Variants in TPTE2 observed in about 807,000 individuals in gnomAD.
TPTE2 encodes phosphatidylinositol 3,4,5-trisphosphate 3-phosphatase TPTE2.
A neutral mutation model predicts 78.6 loss-of-function variants in TPTE2; 53 were observed. That is an observed-to-expected ratio of 0.67 (90% CI 0.54 to 0.85). The LOEUF is 0.85. Among genes scored for constraint, TPTE2 ranks in the 40% least tolerant of loss-of-function variants. The pLI is 0.00. For missense variants in TPTE2, 461 were observed against 623.0 expected (o/e 0.74, Z 2.77); for synonymous variants, 175 against 206.2 (o/e 0.85, Z 1.30).
At chr13:19,558,788 G>A in the TPTE2 span, among the ~76,000 whole-genome samples, 1 of 152,146 alleles carries the variant, frequency 6.6e-6, no homozygotes, top group Admixed American at 6.5e-5. Context: ...ACTGAATAGT[G>A]TCAAAAAAGA....
intron 1 of TPTE2, among the ~76,000 whole-genome samples, chr13:19,496,067 C>A (rs977474301): frequency 6.6e-6 from 1 of 152,244 alleles, no homozygotes; most frequent in East Asian, 1.9e-4. Context: ...GGGGTTTCAC[C>A]ATGTTGGCCA....
At chr13:19,534,556 C>T (rs1871089825) in intron 1 of TPTE2, among the ~76,000 whole-genome samples, 1 of 152,178 alleles carries the variant, frequency 6.6e-6, no homozygotes, top group South Asian at 2.1e-4. Context: ...CATATTCCAG[C>T]AACTGTTTGT....
intron 1 of TPTE2, among the ~76,000 whole-genome samples, chr13:19,516,066 G>A (rs1869772098): frequency 6.6e-6 from 1 of 152,198 alleles, no homozygotes; most frequent in African/African-American, 2.4e-5. Context: ...GCCCTCTAAG[G>A]AAGGTGAGAA....
chr13:19,465,506 G>A (rs1201212347), exon 8 of TPTE2: 10 of 1,610,090 alleles, frequency 6.2e-6, no homozygotes, highest in Admixed American at 1.7e-5. Context: ...TTTTGATGAA[G>A]CAGATGAAAA....
At chr13:19,464,111 A>G (rs1414627698) in intron 10 of TPTE2, among the ~76,000 whole-genome samples, 3 of 152,168 alleles carry the variant, frequency 2.0e-5, no homozygotes, top group Non-Finnish European at 2.9e-5. Context: ...ATTTTAGACT[A>G]GCCAGTCCTC....
intron 6 of TPTE2, among the ~76,000 whole-genome samples, chr13:19,469,493 T>C (rs1467680913): frequency 6.6e-6 from 1 of 152,142 alleles, no homozygotes; most frequent in Non-Finnish European, 1.5e-5. Context: ...CTTAGAATAG[T>C]TTTGGCTATT....
intron 1 of TPTE2, among the ~76,000 whole-genome samples, chr13:19,495,802 C>T (rs1320145904): frequency 2.6e-5 from 4 of 152,124 alleles, no homozygotes; most frequent in Non-Finnish European, 5.9e-5. Flanking sequence ...ACTTCCTAGA[C>T]TTAAGATTTT....
chr13:19,428,208 G>C (rs1345728923), intron 17 of TPTE2, among the ~76,000 whole-genome samples: 1 of 152,194 alleles, frequency 6.6e-6, no homozygotes, highest in African/African-American at 2.4e-5. Flanking sequence ...CAGCACTTTG[G>C]GAGGTTGAGG....
At chr13:19,473,596 G>GATT (rs1879757308) in intron 6 of TPTE2, among the ~76,000 whole-genome samples, 4 of 53,248 alleles carry the variant, frequency 7.5e-5, no homozygotes, top group Non-Finnish European at 1.2e-4. Flanking sequence ...ATTTTAAAAT[G>GATT]CTTTTTTTTT....
intron 7 of TPTE2, among the ~76,000 whole-genome samples, chr13:19,466,446 T>A (rs138942862): frequency 0.025 from 3,732 of 152,280 alleles, 64 homozygotes; most frequent in Middle Eastern, 0.051. Context: ...ATCAGCTATT[T>A]GACCCATGAA....
chr13:19,448,932 T>A, intron 13 of TPTE2, among the ~76,000 whole-genome samples: 1 of 152,208 alleles, frequency 6.6e-6, no homozygotes, highest in East Asian at 1.9e-4. Context: ...ATATGTGGTA[T>A]ATATAAATAA....
At position 19,535,603 on chromosome 13, in the gene TPTE2, A is replaced by G. The variant is rs1871167725; in HGVS notation, c.-44+993T>C. Among the ~76,000 whole-genome samples the G allele has an allele frequency of 7.1e-6, 1 of 141,504 alleles. No homozygotes were observed. The highest frequency in any genetic ancestry group is 2.3e-4 in the South Asian group (1 of 4,296). The allele number at this position is 141,504 out of a possible 152,430, so 92.8% of individuals were successfully genotyped here. On this transcript the variant is annotated intron_variant, in intron 1 of 17. Coordinates refer to the TPTE2 transcript ENST00000390680. The surrounding 1 kb of genome is among the most constrained non-coding windows in gnomAD (Gnocchi z 5.1). ...TGAGGTTCTAAGTAATACTATCTCC[A>G]GGATTTTCTTATTTATTTATTTATT... is the stretch of plus-strand genomic sequence containing the variant.
At chr13:19,561,067 C>A in the TPTE2 span, 9 of 1,587,604 alleles carry the variant, frequency 5.7e-6, no homozygotes, top group South Asian at 1.0e-4. Context: ...TCCCACCGCC[C>A]TGCTCGCCAG....
chr13:19,554,213 A>C, the TPTE2 span, among the ~76,000 whole-genome samples: 1 of 151,974 alleles, frequency 6.6e-6, no homozygotes, highest in African/African-American at 2.4e-5. Flanking sequence ...GTCTCTACTA[A>C]AAATACAAAA....
chr13:19,549,234 A>T, the TPTE2 span, among the ~76,000 whole-genome samples: 2 of 152,166 alleles, frequency 1.3e-5, no homozygotes, highest in Non-Finnish European at 2.9e-5. Flanking sequence ...CTACAGAATG[A>T]GAGAAAATAT....
rs770394067 is a variant in TPTE2 at position 19,493,507 on chromosome 13, GGAT to G, written c.12-9_12-7del. 1.2e-5 allele frequency: 19 copies of G among 1,613,146 alleles called. No homozygotes were observed. The highest frequency in any genetic ancestry group is 1.4e-5 in the Non-Finnish European group (17 of 1,179,632). On this transcript the variant is annotated splice_region_variant and splice_polypyrimidine_tract_variant and intron_variant, in intron 1 of 19. Coordinates refer to ENST00000400230, the Ensembl canonical transcript of TPTE2. ...TAAATTCGTTTGTCTGTGGACTAGC[GGAT>G]GATAAGAGAATACAGTCAGAGAGGA...
At chr13:19,506,272 C>A (rs1377448814), upstream of TPTE2, among the ~76,000 whole-genome samples, 1 of 143,730 alleles carries the variant, frequency 7.0e-6, no homozygotes, top group African/African-American at 2.6e-5. Flanking sequence ...CCCAGGTTCA[C>A]GCCATTCTCC....
At chr13:19,469,030 A>T (rs911654302) in intron 6 of TPTE2, among the ~76,000 whole-genome samples, 1 of 152,112 alleles carries the variant, frequency 6.6e-6, no homozygotes, top group African/African-American at 2.4e-5. Flanking sequence ...ACTTGATGTG[A>T]TCCCATTTGC....
At chr13:19,478,112 G>A (rs1018590567) in intron 4 of TPTE2, among the ~76,000 whole-genome samples, 3 of 152,168 alleles carry the variant, frequency 2.0e-5, no homozygotes, top group Admixed American at 1.3e-4. Flanking sequence ...GCATAAAAAT[G>A]TAGCAGGTGA....
Sources: gnomAD v4.1 joint callset for allele counts (sites outside exome capture counted in the v4.1 genomes callset) on GRCh38, gnomAD v4.1.1 for gene constraint, Gnocchi (gnomAD v3.1) non-coding constraint, MANE v1.5 for transcripts, NCBI Gene and HGNC (gene_info 2026-07-23, HGNC 2026-07-21) for gene names.